Variants in B3GAT2 observed in about 807,000 individuals in gnomAD.
B3GAT2 encodes the protein galactosylgalactosylxylosylprotein 3-beta-glucuronosyltransferase 2.
In B3GAT2, 26 loss-of-function variants were observed where a neutral mutation model predicts 27.8. The observed-to-expected ratio is 0.93, with a 90% CI of 0.68 to 1.30. The LOEUF is 1.30. Among genes scored for constraint, B3GAT2 ranks in the 50% most tolerant of loss-of-function variants. The pLI is 0.00. For synonymous variants in B3GAT2, 218 were observed against 195.1 expected (o/e 1.12, Z -0.98); for missense variants, 458 against 459.0 (o/e 1.00, Z 0.02).
At chr6:70,904,998 G>T (rs2150036408) in intron 1 of B3GAT2, among the ~76,000 whole-genome samples, 1 of 152,292 alleles carries the variant, frequency 6.6e-6, no homozygotes, top group East Asian at 1.9e-4. Flanking sequence ...AACCTATGTG[G>T]TGTCCTTGAC....
chr6:70,920,047 G>T (rs981687429), intron 1 of B3GAT2, among the ~76,000 whole-genome samples: 1 of 152,180 alleles, frequency 6.6e-6, no homozygotes, highest in Non-Finnish European at 1.5e-5. Context: ...CTGAGCTGCA[G>T]TGGGCTCCGT....
rs182800060 is a variant in B3GAT2 at position 70,920,396 on chromosome 6, G to A, written c.592-26124C>T. Among the ~76,000 whole-genome samples, 21 of 152,292 alleles carry A rather than the reference G, an allele frequency of 1.4e-4. No individual in the cohort carries two copies. In the East Asian group the frequency reaches 2.9e-3, roughly 21 times the overall value. ...GCACTTCCTCGGTGAGGGATGCCCCGCCCTGCTTCGGCTTGCCCTCCATGG... is the reference window on the plus strand; with the variant it reads ...GCACTTCCTCGGTGAGGGATGCCCCACCCTGCTTCGGCTTGCCCTCCATGG... On this transcript the variant is annotated intron_variant, in intron 1 of 3. Coordinates refer to ENST00000230053, the MANE Select transcript of B3GAT2 (RefSeq NM_080742.3).
intron 2 of B3GAT2, among the ~76,000 whole-genome samples, chr6:70,867,362 TGAG>T (rs1039543522): frequency 4.6e-5 from 7 of 151,734 alleles, no homozygotes; most frequent in African/African-American, 1.4e-4. Context: ...AGAAAACAAT[TGAG>T]AAGATAAGTG....
At chr6:70,947,796 C>G (rs901111279) in intron 1 of B3GAT2, among the ~76,000 whole-genome samples, 12 of 152,206 alleles carry the variant, frequency 7.9e-5, no homozygotes, top group African/African-American at 2.6e-4. Context: ...AATTTTAGAC[C>G]AATATCCTTG....
At chr6:70,919,453 G>A (rs975038395) in intron 1 of B3GAT2, among the ~76,000 whole-genome samples, 1 of 152,212 alleles carries the variant, frequency 6.6e-6, no homozygotes, top group Non-Finnish European at 1.5e-5. Flanking sequence ...TGCTGGCGAG[G>A]AGTTGTGATC....
chr6:70,916,508 C>T (rs561578908), intron 1 of B3GAT2, among the ~76,000 whole-genome samples: 20 of 152,214 alleles, frequency 1.3e-4, no homozygotes, highest in African/African-American at 4.3e-4. Flanking sequence ...CAGTTTTTGC[C>T]CATTCAGTAT....
chr6:70,931,092 C>T (rs868238293), intron 1 of B3GAT2, among the ~76,000 whole-genome samples: 1 of 152,018 alleles, frequency 6.6e-6, no homozygotes, highest in African/African-American at 2.4e-5. Context: ...GCACAGAAAA[C>T]CAAACACCAC....
At chr6:70,882,230 G>A (rs1187804340) in intron 2 of B3GAT2, among the ~76,000 whole-genome samples, 1 of 152,182 alleles carries the variant, frequency 6.6e-6, no homozygotes, top group South Asian at 2.1e-4. Context: ...CGCTGGGTGT[G>A]GTGGCTCACA....
chr6:70,921,293 G>C (rs1016784009), intron 1 of B3GAT2, among the ~76,000 whole-genome samples: 1 of 151,842 alleles, frequency 6.6e-6, no homozygotes, highest in Non-Finnish European at 1.5e-5. Context: ...TTAATTATTT[G>C]TTCATTATTT....
At chr6:70,927,172 G>A (rs1490779724) in intron 1 of B3GAT2, among the ~76,000 whole-genome samples, 5 of 152,168 alleles carry the variant, frequency 3.3e-5, no homozygotes, top group Non-Finnish European at 7.3e-5. Context: ...AGCTCCTGAA[G>A]GAAGAACTAA....
Position 70,956,709 on chromosome 6 carries a change from C to A in B3GAT2, c.-280G>T, listed in dbSNP as rs1007466659. The A allele has an allele frequency of 4.5e-6, 6 of 1,343,698 alleles. No homozygotes were observed. In the African/African-American group the frequency reaches 7.7e-5, roughly 17 times the overall value. 83.2% of individuals were successfully genotyped at this position (1,343,698 alleles called of 1,614,324 possible). A position where few individuals can be genotyped will look rare whatever the true frequency, so the allele number is the denominator to read the frequency against. ...TGGCGGGAAGCGGGACTCGGTCCAGCCGCGCGCCGCCGGTCCCGGAGTTGT... is the reference window on the plus strand; with the variant it reads ...TGGCGGGAAGCGGGACTCGGTCCAGACGCGCGCCGCCGGTCCCGGAGTTGT... On this transcript the variant is annotated 5_prime_UTR_variant, in exon 1 of 4. Transcript: ENST00000230053.
intron 1 of B3GAT2, 38 bp downstream of exon 1, chr6:70,955,801 C>A (rs940633060): frequency 7.2e-6 from 11 of 1,522,950 alleles, no homozygotes; most frequent in Non-Finnish European, 9.7e-6. Flanking sequence ...AGGCCCACTC[C>A]CGCCCTCGCC....
chr6:70,950,303 T>TAC (rs1765559260), intron 1 of B3GAT2, among the ~76,000 whole-genome samples: 1 of 65,554 alleles, frequency 1.5e-5, no homozygotes, highest in Non-Finnish European at 3.4e-5. Flanking sequence ...AAAAAAAATT[T>TAC]TATTTTTCAA....
intron 3 of B3GAT2, 25 bp downstream of exon 3, chr6:70,861,805 C>T (rs773910155): frequency 2.1e-5 from 34 of 1,613,820 alleles, no homozygotes; most frequent in African/African-American, 8.0e-5. Flanking sequence ...CACTCGAGGT[C>T]GGGCAGCACA....
chr6:70,946,090 C>T (rs377730664), intron 1 of B3GAT2, among the ~76,000 whole-genome samples: 4 of 152,064 alleles, frequency 2.6e-5, no homozygotes, highest in South Asian at 2.1e-4. Context: ...CATGGAAAGG[C>T]ACAACCGGTA....
At chr6:70,934,178 T>C (rs906685426) in intron 1 of B3GAT2, among the ~76,000 whole-genome samples, 2 of 152,218 alleles carry the variant, frequency 1.3e-5, no homozygotes, top group African/African-American at 4.8e-5. Flanking sequence ...TTTTTCAGAC[T>C]GGGAGTGCAT....
At chr6:70,896,954 G>T (rs1339237198) in intron 1 of B3GAT2, among the ~76,000 whole-genome samples, 1 of 152,006 alleles carries the variant, frequency 6.6e-6, no homozygotes, top group Non-Finnish European at 1.5e-5. Context: ...TCATGCACTA[G>T]GTATACATTT....
At chr6:70,949,299 CTACT>C (rs1765541310) in intron 1 of B3GAT2, among the ~76,000 whole-genome samples, 2 of 152,084 alleles carry the variant, frequency 1.3e-5, no homozygotes. Flanking sequence ...TTTTCGCAAC[CTACT>C]CATCTGACAA....
intron 2 of B3GAT2, among the ~76,000 whole-genome samples, chr6:70,875,283 C>T (rs1422700350): frequency 2.0e-5 from 3 of 151,550 alleles, no homozygotes; most frequent in Non-Finnish European, 2.9e-5. Flanking sequence ...ACTTTTTTTT[C>T]CCCTGGCCCT....
Sources: allele counts gnomAD v4.1 joint callset (sites outside exome capture counted in the v4.1 genomes callset), GRCh38; gene constraint gnomAD v4.1.1; transcripts MANE v1.5; gene names NCBI Gene and HGNC (gene_info 2026-07-23, HGNC 2026-07-21).